The following TRAPPC9 variants were observed in gnomAD, a reference collection of about 807,000 sequenced individuals.
The protein encoded by TRAPPC9 is trafficking protein particle complex subunit 9.
A neutral mutation model predicts 124.0 loss-of-function variants in TRAPPC9; 83 were observed. The ratio of observed to expected loss-of-function variants is 0.67; its 90% CI spans 0.56 to 0.80. TRAPPC9 has a LOEUF of 0.80. Among genes scored for constraint, TRAPPC9 ranks in the 30% least tolerant of loss-of-function variants. The pLI, the probability that TRAPPC9 is intolerant of heterozygous loss-of-function variation, is 0.00. For synonymous variants in TRAPPC9, 638 were observed against 617.5 expected (o/e 1.03, Z -0.49); for missense variants, 1,302 against 1,508.3 (o/e 0.86, Z 2.27).
chr8:139,978,894 A>G (rs114655246), intron 19 of TRAPPC9, among the ~76,000 whole-genome samples: 1,292 of 76,870 alleles, frequency 0.017, 19 homozygotes, highest in African/African-American at 0.044. Flanking sequence ...CTCCGTCCAG[A>G]GCACTCTGGT....
chr8:139,797,642 T>C (rs1425450067), intron 21 of TRAPPC9, among the ~76,000 whole-genome samples: 1 of 152,246 alleles, frequency 6.6e-6, no homozygotes, highest in African/African-American at 2.4e-5. Context: ...GGAAGAATTC[T>C]GTGTTTTCTC....
chr8:140,187,280 G>A (rs1002990978), intron 17 of TRAPPC9, among the ~76,000 whole-genome samples: 3 of 152,160 alleles, frequency 2.0e-5, no homozygotes, highest in Non-Finnish European at 4.4e-5. Context: ...TTGAGTATAC[G>A]CGGGGGCCTT....
At chr8:139,773,951 C>T (rs543408959) in intron 21 of TRAPPC9, among the ~76,000 whole-genome samples, 3 of 152,354 alleles carry the variant, frequency 2.0e-5, no homozygotes, top group Admixed American at 6.5e-5. Flanking sequence ...TCATCTCCCA[C>T]GTGGGACAGC....
chr8:139,742,686 T>C lies in TRAPPC9; in HGVS notation c.3056-10484A>G, dbSNP rs1224663858. ...AGATGGAGACCAGACCTTCAGGACATGAGGACCAGCAGGTCAGATGGGCCC... is the reference window on the plus strand; with the variant it reads ...AGATGGAGACCAGACCTTCAGGACACGAGGACCAGCAGGTCAGATGGGCCC... On this transcript the variant is annotated intron_variant, in intron 21 of 22. Coordinates refer to ENST00000438773, the MANE Select transcript of TRAPPC9 (RefSeq NM_001160372.4). This position sits in a 1 kb window ranked among gnomAD's most constrained non-coding sequence, Gnocchi z 4.7. 6.6e-6 allele frequency among the ~76,000 whole-genome samples: 1 copy of C among 152,132 alleles called. No homozygotes were observed. The highest frequency in any genetic ancestry group is 6.5e-5 in the Admixed American group (1 of 15,268).
chr8:140,225,907 T>C (rs1478169157), intron 16 of TRAPPC9, among the ~76,000 whole-genome samples: 1 of 152,232 alleles, frequency 6.6e-6, no homozygotes, highest in Non-Finnish European at 1.5e-5. Context: ...TTTTATCTCC[T>C]GAAGGACCCA....
chr8:140,422,528 C>T (rs113601870), intron 5 of TRAPPC9, among the ~76,000 whole-genome samples: 4,381 of 151,960 alleles, frequency 0.029, 214 homozygotes, highest in African/African-American at 0.095. Context: ...CCGAGGTGGG[C>T]GGATCACCTG....
At chr8:140,263,784 T>C (rs1227794467) in intron 15 of TRAPPC9, among the ~76,000 whole-genome samples, 1 of 152,304 alleles carries the variant, frequency 6.6e-6, no homozygotes, top group African/African-American at 2.4e-5. Context: ...TATTATAACG[T>C]TGACCATCAT....
At chr8:139,752,295 T>A (rs1819371305) in intron 21 of TRAPPC9, among the ~76,000 whole-genome samples, 2 of 139,986 alleles carry the variant, frequency 1.4e-5, no homozygotes, top group East Asian at 2.4e-4. Context: ...CATCAACCCA[T>A]CTACCATCCA....
chr8:139,843,582 C>T (rs1241582739), intron 21 of TRAPPC9, among the ~76,000 whole-genome samples: 3 of 152,182 alleles, frequency 2.0e-5, no homozygotes, highest in Non-Finnish European at 4.4e-5. Context: ...AGGTGAGCCC[C>T]ACGTAATCAC....
At chr8:140,365,252 G>T (rs2068074996) in intron 8 of TRAPPC9, among the ~76,000 whole-genome samples, 1 of 152,070 alleles carries the variant, frequency 6.6e-6, no homozygotes, top group Non-Finnish European at 1.5e-5. Flanking sequence ...GAGAAAGTGG[G>T]CACACAGGAC....
At chr8:139,820,573 A>G (rs773669833) in intron 21 of TRAPPC9, among the ~76,000 whole-genome samples, 1 of 152,254 alleles carries the variant, frequency 6.6e-6, no homozygotes, top group Non-Finnish European at 1.5e-5. Context: ...AAACTGGATA[A>G]TATGTTCTTA....
chr8:139,795,583 T>C (rs917187353), intron 21 of TRAPPC9, among the ~76,000 whole-genome samples: 1 of 151,988 alleles, frequency 6.6e-6, no homozygotes, highest in Non-Finnish European at 1.5e-5. Context: ...CGGGGAGAAG[T>C]GAAGTCATCA....
chr8:139,860,737 G>A (rs1232030593), intron 21 of TRAPPC9, among the ~76,000 whole-genome samples: 3 of 152,226 alleles, frequency 2.0e-5, no homozygotes, highest in Non-Finnish European at 4.4e-5. Flanking sequence ...CCCTCACTAA[G>A]CACAGACCAA....
At chr8:139,951,827 C>G (rs1834664728) in intron 19 of TRAPPC9, among the ~76,000 whole-genome samples, 1 of 152,166 alleles carries the variant, frequency 6.6e-6, no homozygotes. Context: ...AAATAGAATG[C>G]AAGTGAAGAA....
intron 16 of TRAPPC9, 65 bp from the exon 17 acceptor site, chr8:140,221,648 T>G: frequency 1.3e-6 from 2 of 1,557,660 alleles, no homozygotes; most frequent in Non-Finnish European, 1.7e-6. Flanking sequence ...GTTGTTGTTG[T>G]TGTTGTTTGG....
At chr8:140,052,949 A>C (rs1242914807) in intron 17 of TRAPPC9, among the ~76,000 whole-genome samples, 2 of 152,198 alleles carry the variant, frequency 1.3e-5, no homozygotes, top group Non-Finnish European at 2.9e-5. Context: ...CCTGTCTCAA[A>C]ATAAATAAAA....
chr8:140,147,457 C>T (rs1369855064), intron 17 of TRAPPC9, among the ~76,000 whole-genome samples: 1 of 152,178 alleles, frequency 6.6e-6, no homozygotes, highest in Non-Finnish European at 1.5e-5. Flanking sequence ...GACTCAGGTG[C>T]GGTGGCCGGC....
At chr8:140,018,939 G>A (rs753223064) in intron 18 of TRAPPC9, among the ~76,000 whole-genome samples, 3 of 152,110 alleles carry the variant, frequency 2.0e-5, no homozygotes, top group African/African-American at 7.2e-5. Context: ...TTAACTGTGG[G>A]GTTTCTTGTA....
At chr8:140,192,181 T>C (rs760255102) in intron 17 of TRAPPC9, among the ~76,000 whole-genome samples, 1 of 152,222 alleles carries the variant, frequency 6.6e-6, no homozygotes, top group Non-Finnish European at 1.5e-5. Flanking sequence ...ATCTATAATT[T>C]GCAAATCCAG....
Sources: gnomAD v4.1 joint callset for allele counts (sites outside exome capture counted in the v4.1 genomes callset) on GRCh38, gnomAD v4.1.1 for gene constraint, Gnocchi (gnomAD v3.1) non-coding constraint, MANE v1.5 for transcripts, NCBI Gene and HGNC (gene_info 2026-07-23, HGNC 2026-07-21) for gene names.